The following SNX24 variants were observed in gnomAD, a reference collection of about 807,000 sequenced individuals.
SNX24 encodes the protein sorting nexin-24.
A neutral mutation model predicts 28.7 loss-of-function variants in SNX24; 22 were observed. The observed-to-expected ratio is 0.77, with a 90% CI of 0.55 to 1.10. The LOEUF (loss-of-function observed/expected upper bound fraction) is 1.10. Among genes scored for constraint, SNX24 ranks in the 50% least tolerant of loss-of-function variants. The pLI is 0.00. For missense variants in SNX24, 221 were observed against 201.1 expected (o/e 1.10, Z -0.60); for synonymous variants, 69 against 71.5 (o/e 0.96, Z 0.18).
chr5:122,968,328 C>T (rs754130931), intron 3 of SNX24, among the ~76,000 whole-genome samples: 8 of 152,194 alleles, frequency 5.3e-5, no homozygotes, highest in Non-Finnish European at 1.2e-4. Flanking sequence ...GCCTGGGCAA[C>T]AGAGCGAGAC....
rs567159019 is a variant in SNX24, at chr5:122,865,723, G to C, written c.60+20030G>C. Among the ~76,000 whole-genome samples, 167 of 152,282 alleles carry C rather than the reference G, an allele frequency of 1.1e-3. 1 individual carries two copies. The highest frequency in any genetic ancestry group is 3.8e-3 in the African/African-American group (160 of 41,560). ...ATGAGGATGGAGGTGAGAGGAGGCA[G>C]GTTCTCTAACACACTATTGGTGAGA... On this transcript the variant is annotated intron_variant, in intron 1 of 6. Coordinates refer to ENST00000261369, the MANE Select transcript of SNX24 (RefSeq NM_014035.4).
chr5:122,846,213 G>A (rs1754626943), intron 1 of SNX24, among the ~76,000 whole-genome samples: 1 of 151,848 alleles, frequency 6.6e-6, no homozygotes, highest in African/African-American at 2.4e-5. Context: ...GAGTTGTGCA[G>A]TTCCATGAAA....
chr5:123,009,642 A>T (rs144410109), downstream of SNX24, among the ~76,000 whole-genome samples: 1,673 of 143,182 alleles, frequency 0.012, 13 homozygotes, highest in Middle Eastern at 0.054. Flanking sequence ...CACAAGGATC[A>T]TATCTATTTA....
intron 1 of SNX24, among the ~76,000 whole-genome samples, chr5:122,846,326 A>T (rs895734977): frequency 1.3e-5 from 2 of 151,992 alleles, no homozygotes; most frequent in African/African-American, 2.4e-5. Flanking sequence ...GAGGGCAGAG[A>T]CCAGGGCATG....
intron 3 of SNX24, among the ~76,000 whole-genome samples, chr5:122,955,932 G>T (rs933715679): frequency 5.9e-5 from 9 of 152,164 alleles, no homozygotes; most frequent in African/African-American, 2.2e-4. Context: ...ATGAGTAGAG[G>T]TGAGGGCCAC....
intron 3 of SNX24, among the ~76,000 whole-genome samples, chr5:122,967,841 A>C (rs1581809834): frequency 6.6e-6 from 1 of 152,316 alleles, no homozygotes; most frequent in East Asian, 1.9e-4. Flanking sequence ...AGATTAAACC[A>C]CGAGCTCACG....
intron 1 of SNX24, among the ~76,000 whole-genome samples, chr5:122,919,159 A>G (rs948446894): frequency 4.6e-5 from 7 of 152,198 alleles, no homozygotes; most frequent in South Asian, 2.1e-4. Context: ...GACAATCCAT[A>G]TATTGACAAC....
Position 123,008,717 on chromosome 5 carries a change from G to A in SNX24, c.*968G>A. On this transcript the variant is annotated 3_prime_UTR_variant, in exon 7 of 7. Coordinates refer to ENST00000261369, the MANE Select transcript of SNX24 (RefSeq NM_014035.4). ...ACTCAAGGGTGTGCATTCATTTTAG[G>A]TGGGATCGCCACAGGATTTCATGTT... The A allele has an allele frequency of 9.4e-6, 3 of 320,060 alleles. No individual in the cohort carries two copies. Among genetic ancestry groups the A allele is most frequent in the South Asian group, 1.2e-4 (1 of 8,154 alleles). The allele number at this position is 320,060 out of a possible 1,614,324, so 19.8% of individuals were successfully genotyped here.
At chr5:122,938,516 C>T (rs1759282047) in intron 2 of SNX24, among the ~76,000 whole-genome samples, 1 of 152,092 alleles carries the variant, frequency 6.6e-6, no homozygotes, top group Non-Finnish European at 1.5e-5. Flanking sequence ...ATAAAAATAG[C>T]TTTGTGGAGC....
At chr5:122,903,491 G>A (rs1247656276) in intron 1 of SNX24, among the ~76,000 whole-genome samples, 1 of 152,078 alleles carries the variant, frequency 6.6e-6, no homozygotes, top group African/African-American at 2.4e-5. Flanking sequence ...CAGTGAACAG[G>A]TCTTTCCCTC....
At chr5:122,902,846 CCTT>C (rs1172753067) in intron 1 of SNX24, among the ~76,000 whole-genome samples, 1 of 152,224 alleles carries the variant, frequency 6.6e-6, no homozygotes, top group Non-Finnish European at 1.5e-5. Flanking sequence ...CAATTCCCCT[CCTT>C]TTGATGACTG....
intron 2 of SNX24, among the ~76,000 whole-genome samples, chr5:122,942,779 G>C (rs1056225050): frequency 2.0e-5 from 3 of 152,136 alleles, no homozygotes; most frequent in Admixed American, 2.0e-4. Context: ...CTTGTAAGCA[G>C]CTGAGCCCTA....
intron 1 of SNX24, among the ~76,000 whole-genome samples, chr5:122,907,108 C>T (rs897967873): frequency 6.6e-6 from 1 of 152,108 alleles, no homozygotes; most frequent in Non-Finnish European, 1.5e-5. Flanking sequence ...AAAAATTCTC[C>T]AAGAACTTTA....
intron 1 of SNX24, among the ~76,000 whole-genome samples, chr5:122,928,962 T>C (rs988293071): frequency 7.9e-5 from 12 of 151,848 alleles, no homozygotes; most frequent in Admixed American, 6.5e-4. Context: ...CCCTGGTTTA[T>C]TTTTCTCTGT....
chr5:122,898,263 A>T (rs772787422), intron 1 of SNX24, among the ~76,000 whole-genome samples: 5 of 152,180 alleles, frequency 3.3e-5, no homozygotes, highest in Non-Finnish European at 7.3e-5. Context: ...CTTCAACCCT[A>T]TTTTCCCTGA....
chr5:122,932,643 G>A (rs1454856397), intron 1 of SNX24, among the ~76,000 whole-genome samples: 2 of 152,112 alleles, frequency 1.3e-5, no homozygotes, highest in Non-Finnish European at 2.9e-5. Context: ...GCCTATGCAG[G>A]CGGATCACAA....
intron 5 of SNX24, chr5:123,024,027 T>C (rs1417843419): frequency 1.2e-5 from 19 of 1,609,176 alleles, no homozygotes; most frequent in Middle Eastern, 1.7e-4. Flanking sequence ...AGTAGACACA[T>C]GGTTTAATTC....
chr5:122,925,068 C>G (rs1758622918), intron 1 of SNX24, among the ~76,000 whole-genome samples: 1 of 144,062 alleles, frequency 6.9e-6, no homozygotes, highest in Non-Finnish European at 1.5e-5. Context: ...CCTCCCCTCT[C>G]CCTTTTCCCT....
intron 1 of SNX24, among the ~76,000 whole-genome samples, chr5:122,896,523 C>T (rs1289341392): frequency 6.6e-6 from 1 of 152,176 alleles, no homozygotes; most frequent in African/African-American, 2.4e-5. Flanking sequence ...AGCCTCCTGT[C>T]CTGTCAAGCC....
Sources: gnomAD v4.1 joint callset for allele counts (sites outside exome capture counted in the v4.1 genomes callset) on GRCh38, gnomAD v4.1.1 for gene constraint, MANE v1.5 for transcripts, NCBI Gene and HGNC (gene_info 2026-07-23, HGNC 2026-07-21) for gene names.